ROR2: variants seen among roughly 807,000 people sequenced by gnomAD.
ROR2 encodes tyrosine-protein kinase transmembrane receptor ROR2.
A neutral mutation model predicts 74.9 loss-of-function variants in ROR2; 33 were observed. That is an observed-to-expected ratio of 0.44 (90% CI 0.33 to 0.59). The LOEUF is 0.59. Ranked by LOEUF, ROR2 falls within the 20% of genes least tolerant of loss-of-function variation. The probability of loss-of-function intolerance (pLI) is 0.02; values close to 1 mark genes in which losing one functional copy is unlikely to be tolerated. For missense variants in ROR2, 1,216 were observed against 1,313.8 expected, an observed-to-expected ratio of 0.93 and a Z score of 1.15; for synonymous variants, 586 against 558.7, an observed-to-expected ratio of 1.05 and a Z score of -0.69.
intron 1 of ROR2, among the ~76,000 whole-genome samples, chr9:91,817,871 G>A (rs1489821390): frequency 6.6e-6 from 1 of 151,892 alleles, no homozygotes; most frequent in African/African-American, 2.4e-5. Flanking sequence ...GAGAGGGAGG[G>A]GAAGGGGCTA....
intron 1 of ROR2, among the ~76,000 whole-genome samples, chr9:91,780,698 G>C (rs1395567061): frequency 6.6e-6 from 1 of 152,194 alleles, no homozygotes; most frequent in Non-Finnish European, 1.5e-5. Flanking sequence ...GGCTGAGGCA[G>C]GAGAATCACT....
At chr9:91,827,854 A>G (rs1331875280) in intron 1 of ROR2, among the ~76,000 whole-genome samples, 1 of 152,248 alleles carries the variant, frequency 6.6e-6, no homozygotes, top group Non-Finnish European at 1.5e-5. Flanking sequence ...TCTTCTGAAG[A>G]AATGTATTTG....
At chr9:91,740,829 C>T (rs1825210190) in intron 4 of ROR2, among the ~76,000 whole-genome samples, 1 of 152,052 alleles carries the variant, frequency 6.6e-6, no homozygotes, top group South Asian at 2.1e-4. Context: ...ATTCCTTCAG[C>T]AACGTAAGTG....
At chr9:91,774,409 G>GC (rs1188146086) in intron 2 of ROR2, among the ~76,000 whole-genome samples, 4 of 152,172 alleles carry the variant, frequency 2.6e-5, no homozygotes, top group Non-Finnish European at 5.9e-5. Flanking sequence ...GAGCAGTGGT[G>GC]CCCCCCAAAC....
chr9:91,732,582 C>T (rs533739598), intron 6 of ROR2, among the ~76,000 whole-genome samples: 1 of 152,302 alleles, frequency 6.6e-6, no homozygotes, highest in East Asian at 1.9e-4. Flanking sequence ...TCTCAGGTGC[C>T]CTCCCAGGCC....
Position 91,786,158 on chromosome 9 carries a change from C to CAAAAAA in ROR2, c.98-10346_98-10341dup, listed in dbSNP as rs35972600. On this transcript the variant is annotated intron_variant, in intron 1 of 8. Transcript: ENST00000375708. The stretch of plus-strand genomic sequence containing the variant: ...TAACATACGGAAACCCTGTTTCTAC[C>CAAAAAA]AAAAAAAAAAAAAAAAAAAAAAGCC... 1.4e-4 allele frequency among the ~76,000 whole-genome samples: 8 copies of CAAAAAA among 56,518 alleles called. 2 individuals carry two copies. The highest frequency in any genetic ancestry group is 1.8e-4 in the Non-Finnish European group (6 of 32,886). The allele number at this position is 56,518 out of a possible 152,430, so 37.1% of individuals were successfully genotyped here. A position where few individuals can be genotyped will look rare whatever the true frequency, so the allele number is the denominator to read the frequency against.
In ROR2 at chr9:91,724,191, G is replaced by A. The variant is rs138178486; in HGVS notation, c.2303C>T (p.Thr768Met). The A allele has an allele frequency of 3.1e-5, 50 of 1,612,800 alleles. No individual in the cohort carries two copies. Among genetic ancestry groups the A allele is most frequent in the Non-Finnish European group, 3.8e-5 (45 of 1,180,032 alleles). The change falls in exon 9 of 9, where the codon ACG becomes ATG. Residue 768 changes from threonine (T) to methionine (M), a missense_variant. Physicochemically the swap from Thr to Met is moderately conservative, Grantham distance 81. Transcript: ENST00000375708. Reference sequence around the variant, plus strand: ...GCTGGTGCTCAGGGAGCTGGTCTGCGTGGTGTTGCTGGCCCCCGAGGTCTG... The same window carrying A: ...GCTGGTGCTCAGGGAGCTGGTCTGCATGGTGTTGCTGGCCCCCGAGGTCTG... ...SAQTSGASNT[T>M]QTSSLSTSPV... is the part of the protein sequence containing the mutation.
At chr9:91,927,993 G>T (rs1831455002) in intron 1 of ROR2, among the ~76,000 whole-genome samples, 1 of 152,026 alleles carries the variant, frequency 6.6e-6, no homozygotes, top group South Asian at 2.1e-4. Flanking sequence ...CCCTTCCCAG[G>T]CCTGGCAAAT....
chr9:91,930,007 C>T (rs1831509679), intron 1 of ROR2, among the ~76,000 whole-genome samples: 1 of 152,066 alleles, frequency 6.6e-6, no homozygotes, highest in Non-Finnish European at 1.5e-5. Flanking sequence ...CTACTGCACA[C>T]TAGTTTTAAC....
chr9:91,870,178 T>A (rs1017963261), intron 1 of ROR2, among the ~76,000 whole-genome samples: 2 of 151,762 alleles, frequency 1.3e-5, no homozygotes, highest in Admixed American at 6.6e-5. Flanking sequence ...ATATTTACTA[T>A]CTGATTATTT....
At chr9:91,757,582 A>C in intron 2 of ROR2, 23 bp from the exon 3 acceptor site, 2 of 1,610,002 alleles carry the variant, frequency 1.2e-6, no homozygotes, top group Admixed American at 3.4e-5. Flanking sequence ...GCGGTCACAA[A>C]AGAGCAAGCG....
At chr9:91,741,987 T>G (rs1825267490) in intron 4 of ROR2, among the ~76,000 whole-genome samples, 1 of 152,160 alleles carries the variant, frequency 6.6e-6, no homozygotes, top group Non-Finnish European at 1.5e-5. Flanking sequence ...AACCTAGATG[T>G]AAGAATCAGC....
intron 1 of ROR2, among the ~76,000 whole-genome samples, chr9:91,904,142 G>C (rs1830750828): frequency 6.6e-6 from 1 of 151,908 alleles, no homozygotes; most frequent in Non-Finnish European, 1.5e-5. Context: ...CCAGGTTCAG[G>C]CAATTCTCCT....
chr9:91,755,535 C>T (rs538286527), intron 4 of ROR2, among the ~76,000 whole-genome samples: 7 of 152,366 alleles, frequency 4.6e-5, no homozygotes, highest in Non-Finnish European at 1.0e-4. Context: ...TAACCTCGTA[C>T]TGGGAAACCA....
chr9:91,931,064 AAAATAG>A (rs1361962007), intron 1 of ROR2, among the ~76,000 whole-genome samples: 1 of 152,222 alleles, frequency 6.6e-6, no homozygotes, highest in African/African-American at 2.4e-5. Context: ...GGAGGCACTA[AAAATAG>A]AAACTATGCT....
At chr9:91,751,459 T>C (rs1365890747) in intron 4 of ROR2, among the ~76,000 whole-genome samples, 1 of 152,140 alleles carries the variant, frequency 6.6e-6, no homozygotes, top group Non-Finnish European at 1.5e-5. Flanking sequence ...TTAAAAAGCA[T>C]GTGGAACTCT....
At chr9:91,777,735 G>C (rs553753164) in intron 1 of ROR2, among the ~76,000 whole-genome samples, 1 of 152,144 alleles carries the variant, frequency 6.6e-6, no homozygotes, top group South Asian at 2.1e-4. Context: ...TGGTAACCAC[G>C]AATCTGCTGT....
rs1156621210 is a variant in ROR2 at position 91,801,131 on chromosome 9, A to T, written c.98-25313T>A. Among the ~76,000 whole-genome samples the T allele has an allele frequency of 1.3e-5, 2 of 152,062 alleles. 1 individual carries two copies. The highest frequency in any genetic ancestry group is 3.9e-4 in the East Asian group (2 of 5,170). On this transcript the variant is annotated intron_variant, in intron 1 of 8. Transcript: ENST00000375708. Reference sequence around the variant, plus strand: ...TTTTCATATGTAAAGAATTCAAAGCATGGAGGAGTTTAATTGGACACTTCT... The same window carrying T: ...TTTTCATATGTAAAGAATTCAAAGCTTGGAGGAGTTTAATTGGACACTTCT...
intron 1 of ROR2, among the ~76,000 whole-genome samples, chr9:91,813,725 C>T (rs1372499632): frequency 6.6e-6 from 1 of 152,098 alleles, no homozygotes; most frequent in Non-Finnish European, 1.5e-5. Flanking sequence ...GAATTCAGGG[C>T]CCCCTCTAGA....
Sources: gnomAD v4.1 joint callset for allele counts (sites outside exome capture counted in the v4.1 genomes callset) on GRCh38, gnomAD v4.1.1 for gene constraint, MANE v1.5 for transcripts, NCBI Gene and HGNC (gene_info 2026-07-23, HGNC 2026-07-21) for gene names.